LRIG1: variants seen among roughly 807,000 people sequenced by gnomAD.
LRIG1 encodes leucine rich repeats and immunoglobulin like domains 1.
In LRIG1, 48 loss-of-function variants were observed where a neutral mutation model predicts 99.2. The observed-to-expected ratio is 0.48, with a 90% CI of 0.38 to 0.62. The LOEUF is 0.62. LRIG1 is among the 20% of genes least tolerant of loss of function. The probability of loss-of-function intolerance (pLI) is 0.00; values close to 1 mark genes in which losing one functional copy is unlikely to be tolerated. For missense variants in LRIG1, 1,646 were observed against 1,434.4 expected, an observed-to-expected ratio of 1.15 and a Z score of -2.38; for synonymous variants, 772 against 596.1, an observed-to-expected ratio of 1.29 and a Z score of -4.30.
chr3:66,452,855 C>T (rs1703951079), intron 2 of LRIG1, among the ~76,000 whole-genome samples: 1 of 152,206 alleles, frequency 6.6e-6, no homozygotes, highest in Non-Finnish European at 1.5e-5. Context: ...CATAGAATGC[C>T]TGTTTCAATA....
At chr3:66,391,527 G>A (rs370305188) in intron 12 of LRIG1, among the ~76,000 whole-genome samples, 8 of 152,178 alleles carry the variant, frequency 5.3e-5, no homozygotes, top group African/African-American at 9.7e-5. Context: ...ACAAGAGACC[G>A]TATACTGTAT....
At chr3:66,384,900 T>G (rs942460154) in intron 13 of LRIG1, among the ~76,000 whole-genome samples, 35 of 152,082 alleles carry the variant, frequency 2.3e-4, no homozygotes, top group African/African-American at 8.2e-4. Flanking sequence ...AACGTCAATT[T>G]TGGGGAGAGT....
intron 1 of LRIG1, among the ~76,000 whole-genome samples, chr3:66,475,346 G>A (rs1488024327): frequency 6.6e-6 from 1 of 152,192 alleles, no homozygotes; most frequent in Non-Finnish European, 1.5e-5. Flanking sequence ...ACAAAATTAA[G>A]TGGGTTTTGT....
Position 66,386,198 on chromosome 3 carries a change from G to A in LRIG1, c.1572C>T (p.Ser524=), listed in dbSNP as rs1559768646. 1.2e-6 allele frequency: 2 copies of A among 1,614,012 alleles called. No individual in the cohort carries two copies. The highest frequency in any genetic ancestry group is 4.5e-5 in the East Asian group (2 of 44,890). Residue 524 remains serine (S), a synonymous_variant, in exon 13 of 19, where the codon TCC becomes TCT. Transcript: ENST00000273261. ...CTTTCTTCCAGGCAAAGGTCATGGG[G>A]GAGCTGCTGCTGCTGGCTGCTGAGC... ...FTCSAASSSS[S]PMTFAWKKDN...
chr3:66,449,195 T>C (rs1051362116), intron 3 of LRIG1, among the ~76,000 whole-genome samples: 1 of 152,210 alleles, frequency 6.6e-6, no homozygotes, highest in East Asian at 1.9e-4. Context: ...TGAAGCATTA[T>C]CAATAATCCA....
At chr3:66,420,791 C>T (rs1702781836) in intron 3 of LRIG1, among the ~76,000 whole-genome samples, 1 of 152,166 alleles carries the variant, frequency 6.6e-6, no homozygotes, top group South Asian at 2.1e-4. Context: ...GGGGAGACCG[C>T]AGAAGGAAGA....
chr3:66,399,432 G>A (rs1701975990), intron 9 of LRIG1, among the ~76,000 whole-genome samples: 1 of 152,148 alleles, frequency 6.6e-6, no homozygotes, highest in African/African-American at 2.4e-5. Context: ...TGGTTTCAGT[G>A]AGAGGAAGCT....
Position 66,386,153 on chromosome 3 carries a change from A to G in LRIG1, c.1617T>C (p.Asn539=), listed in dbSNP as rs771847612. 28 of 1,614,000 alleles carry G rather than the reference A, an allele frequency of 1.7e-5. No individual in the cohort carries two copies. The highest frequency in any genetic ancestry group is 2.3e-5 in the Non-Finnish European group (27 of 1,180,014). The change falls in exon 13 of 19, where the codon AAT becomes AAC. Residue 539 remains asparagine (N), a synonymous_variant. Coordinates refer to ENST00000273261, the MANE Select transcript of LRIG1 (RefSeq NM_015541.3). The part of the protein sequence containing the change: ...AWKKDNEVLT[N]ADMENFVHVH... ...CGTGGACAAAGTTCTCCATGTCTGCATTGGTCAGGACTTCATTGTCTTTCT... is the reference window on the plus strand; with the variant it reads ...CGTGGACAAAGTTCTCCATGTCTGCGTTGGTCAGGACTTCATTGTCTTTCT...
At chr3:66,428,498 A>C (rs1412426051) in intron 3 of LRIG1, among the ~76,000 whole-genome samples, 5 of 152,250 alleles carry the variant, frequency 3.3e-5, no homozygotes, top group African/African-American at 1.2e-4. Context: ...AATAATTCTA[A>C]GTCTCAAAAT....
chr3:66,393,833 G>A (rs1701720987), intron 12 of LRIG1, among the ~76,000 whole-genome samples: 1 of 152,272 alleles, frequency 6.6e-6, no homozygotes, highest in African/African-American at 2.4e-5. Context: ...CTGATTAAAT[G>A]CATGTCCTCC....
chr3:66,429,832 C>T (rs1051086554), intron 3 of LRIG1, among the ~76,000 whole-genome samples: 2 of 147,190 alleles, frequency 1.4e-5, no homozygotes, highest in Non-Finnish European at 3.0e-5. Context: ...GAAGAGATGG[C>T]GGGGGCATAT....
intron 1 of LRIG1, among the ~76,000 whole-genome samples, chr3:66,498,693 C>A (rs1018011356): frequency 2.0e-5 from 3 of 152,142 alleles, no homozygotes; most frequent in Non-Finnish European, 4.4e-5. Context: ...CTCCACCCTA[C>A]GACCACTGAT....
At chr3:66,382,429 G>C (rs3736137) in intron 15 of LRIG1, 31 bp from the exon 16 acceptor site, 17 of 1,613,650 alleles carry the variant, frequency 1.1e-5, no homozygotes, top group Non-Finnish European at 1.4e-5. Context: ...TAGAACACCA[G>C]GGTCTCAGTG....
chr3:66,459,802 T>C (rs538248646), intron 2 of LRIG1, among the ~76,000 whole-genome samples: 1 of 152,160 alleles, frequency 6.6e-6, no homozygotes, highest in African/African-American at 2.4e-5. Context: ...TAATGCAATA[T>C]TTTTTAAATA....
chr3:66,495,011 G>T (rs1439025134), intron 1 of LRIG1, among the ~76,000 whole-genome samples: 5 of 152,152 alleles, frequency 3.3e-5, no homozygotes, highest in East Asian at 3.8e-4. Context: ...GTTAACCACT[G>T]GTCTTCAAAG....
rs547245954 is a variant in LRIG1 at position 66,482,106 on chromosome 3, AGGCTGGCTCTGCAGAAGGCT to A, written c.218+18064_218+18083del. On this transcript the variant is annotated intron_variant, in intron 1 of 18. Transcript: ENST00000273261. ...CAGACCGGGCAGCCTGGGCACAGGC[AGGCTGGCTCTGCAGAAGGCT>A]GCAGCAGTACAGGATCAACAGAGCC... 1.2e-4 allele frequency among the ~76,000 whole-genome samples: 19 copies of A among 152,366 alleles called. No homozygotes were observed. In the South Asian group the frequency reaches 2.1e-3, roughly 17 times the overall value.
chr3:66,392,908 C>T (rs1701680976), intron 12 of LRIG1, among the ~76,000 whole-genome samples: 1 of 152,208 alleles, frequency 6.6e-6, no homozygotes, highest in South Asian at 2.1e-4. Flanking sequence ...CATTAGATTC[C>T]ACACAGAAGG....
rs141378146 is a variant in LRIG1 at position 66,413,487 on chromosome 3, C to A, written c.648-473G>T. ...TATCAAATGGCAATAACACTTTCCACTGGGGGCATTTCACAGCATCTCCAC... is the reference window on the plus strand; with the variant it reads ...TATCAAATGGCAATAACACTTTCCAATGGGGGCATTTCACAGCATCTCCAC... On this transcript the variant is annotated intron_variant, in intron 5 of 18. Transcript: ENST00000273261. 1.2e-4 allele frequency among the ~76,000 whole-genome samples: 18 copies of A among 152,338 alleles called. No homozygotes were observed. In the East Asian group the frequency reaches 3.5e-3, roughly 29 times the overall value.
intron 3 of LRIG1, among the ~76,000 whole-genome samples, chr3:66,442,851 G>A (rs1241438518): frequency 6.6e-6 from 1 of 152,092 alleles, no homozygotes; most frequent in Non-Finnish European, 1.5e-5. Context: ...CTATTCCATG[G>A]GATCTCCCCT....
Sources: gnomAD v4.1 joint callset for allele counts (sites outside exome capture counted in the v4.1 genomes callset) on GRCh38, gnomAD v4.1.1 for gene constraint, MANE v1.5 for transcripts, NCBI Gene and HGNC (gene_info 2026-07-23, HGNC 2026-07-21) for gene names.